The following PTPRD variants were observed in gnomAD, a reference collection of about 807,000 sequenced individuals.
PTPRD encodes the protein receptor-type tyrosine-protein phosphatase delta.
In PTPRD, 34 loss-of-function variants were observed where a neutral mutation model predicts 214.5. The observed-to-expected ratio is 0.16, with a 90% CI of 0.12 to 0.21. The LOEUF (loss-of-function observed/expected upper bound fraction) is 0.21, where lower values mean the gene tolerates loss of function less well. PTPRD is among the 10% of genes least tolerant of loss of function. The pLI, the probability that PTPRD is intolerant of heterozygous loss-of-function variation, is 1.00. For missense variants in PTPRD, 2,545 were observed against 2,398.7 expected, an observed-to-expected ratio of 1.06 and a Z score of -1.27; for synonymous variants, 1,128 against 845.7, an observed-to-expected ratio of 1.33 and a Z score of -5.79.
chr9:9,969,088 C>T (rs113642459), intron 4 of PTPRD, among the ~76,000 whole-genome samples: 24 of 152,126 alleles, frequency 1.6e-4, no homozygotes, highest in South Asian at 1.0e-3. Context: ...TTTGGTCCTA[C>T]GAAAGCATGT....
At chr9:9,290,677 T>C (rs903684653) in intron 9 of PTPRD, among the ~76,000 whole-genome samples, 1 of 151,566 alleles carries the variant, frequency 6.6e-6, no homozygotes, top group Admixed American at 6.6e-5. Context: ...TGTAAATACT[T>C]TGAATCAATG....
intron 3 of PTPRD, among the ~76,000 whole-genome samples, chr9:10,210,798 T>C (rs1015485402): frequency 4.6e-5 from 4 of 86,024 alleles, no homozygotes; most frequent in East Asian, 3.9e-4. Flanking sequence ...AAAAACTTCA[T>C]ATATATATAT....
At chr9:10,338,804 T>A (rs1418379618) in intron 3 of PTPRD, among the ~76,000 whole-genome samples, 1 of 151,698 alleles carries the variant, frequency 6.6e-6, no homozygotes, top group Non-Finnish European at 1.5e-5. Context: ...AAATACATAT[T>A]TTTCTCTAAG....
chr9:10,023,491 T>G (rs1177978641), intron 4 of PTPRD, among the ~76,000 whole-genome samples: 1 of 152,208 alleles, frequency 6.6e-6, no homozygotes, highest in African/African-American at 2.4e-5. Flanking sequence ...TTTCTGTATA[T>G]AAAGTTAACT....
At chr9:9,747,629 C>T (rs1312788899) in intron 6 of PTPRD, among the ~76,000 whole-genome samples, 1 of 151,376 alleles carries the variant, frequency 6.6e-6, no homozygotes, top group African/African-American at 2.4e-5. Flanking sequence ...TCACTGCAAC[C>T]TTCGTCTCGC....
chr9:10,345,629 G>A (rs1417096059), intron 2 of PTPRD, among the ~76,000 whole-genome samples: 1 of 152,182 alleles, frequency 6.6e-6, no homozygotes, highest in Non-Finnish European at 1.5e-5. Flanking sequence ...ATTCCACGGT[G>A]TATATGTGCC....
chr9:10,051,764 A>G (rs2097539823), intron 3 of PTPRD, among the ~76,000 whole-genome samples: 1 of 152,090 alleles, frequency 6.6e-6, no homozygotes, highest in African/African-American at 2.4e-5. Flanking sequence ...TGTAGTCAAA[A>G]AAGAATATTA....
chr9:10,229,559 G>T (rs1392907408), intron 3 of PTPRD, among the ~76,000 whole-genome samples: 1 of 152,018 alleles, frequency 6.6e-6, no homozygotes, highest in Non-Finnish European at 1.5e-5. Context: ...GTAGGGACAT[G>T]GATGAAGCTG....
At chr9:10,469,389 G>A (rs1010098200) in intron 2 of PTPRD, among the ~76,000 whole-genome samples, 3 of 152,060 alleles carry the variant, frequency 2.0e-5, no homozygotes, top group Admixed American at 6.6e-5. Flanking sequence ...GGACATAAGC[G>A]TGAAAGATGT....
intron 8 of PTPRD, among the ~76,000 whole-genome samples, chr9:9,470,539 G>C (rs905213573): frequency 5.3e-5 from 8 of 152,070 alleles, no homozygotes; most frequent in African/African-American, 1.9e-4. Context: ...GAATAGAAGG[G>C]TTTTCTAACA....
chr9:9,117,530 A>C (rs1461115522), intron 10 of PTPRD, among the ~76,000 whole-genome samples: 2 of 152,200 alleles, frequency 1.3e-5, no homozygotes, highest in East Asian at 3.9e-4. Flanking sequence ...GACACTCCAA[A>C]TGTAAAGTTG....
chr9:10,534,112 A>G (rs1181017949), intron 2 of PTPRD, among the ~76,000 whole-genome samples: 1 of 151,842 alleles, frequency 6.6e-6, no homozygotes, highest in East Asian at 1.9e-4. Context: ...TCATTAAGGG[A>G]AACCCTTACT....
At chr9:8,499,024 G>GTACCTTT (rs2097338538) in intron 25 of PTPRD, among the ~76,000 whole-genome samples, 1 of 150,682 alleles carries the variant, frequency 6.6e-6, no homozygotes. Context: ...CTCATTTTTA[G>GTACCTTT]TACCTTTTTT....
At chr9:10,374,932 T>C (rs972427398) in intron 2 of PTPRD, among the ~76,000 whole-genome samples, 1 of 152,056 alleles carries the variant, frequency 6.6e-6, no homozygotes, top group African/African-American at 2.4e-5. Context: ...AGTGAAACAT[T>C]GGGTTACAGC....
chr9:10,531,712 C>T (rs755605298), intron 2 of PTPRD, among the ~76,000 whole-genome samples: 3 of 152,088 alleles, frequency 2.0e-5, no homozygotes, highest in Non-Finnish European at 4.4e-5. Context: ...TGCCATGGCT[C>T]AACTGGGTGC....
At chr9:8,986,776 T>A (rs969148797) in intron 11 of PTPRD, among the ~76,000 whole-genome samples, 2 of 152,126 alleles carry the variant, frequency 1.3e-5, no homozygotes, top group African/African-American at 4.8e-5. Flanking sequence ...TGTTTTTGCA[T>A]GCTAATATCA....
chr9:8,784,029 T>C (rs10815947), intron 11 of PTPRD, among the ~76,000 whole-genome samples: 55,388 of 151,982 alleles, frequency 0.36, 11,928 homozygotes, highest in Middle Eastern at 0.5. Context: ...TGCTTTCTTA[T>C]TGGAGCTGTG....
At chr9:9,563,865 C>G (rs1413050350) in intron 8 of PTPRD, among the ~76,000 whole-genome samples, 1 of 152,114 alleles carries the variant, frequency 6.6e-6, no homozygotes, top group Non-Finnish European at 1.5e-5. Flanking sequence ...GCATTTAAAT[C>G]TTGACTTCAG....
intron 36 of PTPRD, among the ~76,000 whole-genome samples, chr9:8,392,005 T>C (rs2089748828): frequency 6.6e-6 from 1 of 152,132 alleles, no homozygotes; most frequent in Non-Finnish European, 1.5e-5. Context: ...TGAATAATGA[T>C]TGCACTTCCC....
Sources: allele counts gnomAD v4.1 joint callset (sites outside exome capture counted in the v4.1 genomes callset), GRCh38; gene constraint gnomAD v4.1.1; transcripts MANE v1.5; gene names NCBI Gene and HGNC (gene_info 2026-07-23, HGNC 2026-07-21).